The following PLXNA1 variants were observed in gnomAD, a reference collection of about 807,000 sequenced individuals.
The protein encoded by PLXNA1 is plexin A1.
PLXNA1 carries 77 observed loss-of-function variants against 191.7 expected under a neutral mutation model. The observed-to-expected ratio is 0.40, with a 90% CI of 0.33 to 0.49. PLXNA1 has a LOEUF of 0.49. Ranked by LOEUF, PLXNA1 falls within the 20% of genes least tolerant of loss-of-function variation. The pLI, the probability that PLXNA1 is intolerant of heterozygous loss-of-function variation, is 0.63. For synonymous variants in PLXNA1, 1,137 were observed against 1,156.4 expected (o/e 0.98, Z 0.34); for missense variants, 2,110 against 2,660.2 (o/e 0.79, Z 4.55).
At position 126,987,841 on chromosome 3, in the gene PLXNA1, C is replaced by G. The variant is rs553537725; in HGVS notation, c.-73-680C>G. Among the ~76,000 whole-genome samples, 16 of 152,194 alleles carry G rather than the reference C, an allele frequency of 1.1e-4. No individual in the cohort carries two copies. The East Asian group carries it at 2.9e-3, about 28-fold the overall frequency. On this transcript the variant is annotated intron_variant, in intron 1 of 31. Coordinates refer to ENST00000393409, the MANE Select transcript of PLXNA1 (RefSeq NM_032242.4). ...TGCCTGGCTTCTGGACTGCAGGTCT[C>G]AAGGTTTATCCAGCATGGGGCTTGG...
chr3:126,983,393 C>G (rs1576664554), intron 1 of PLXNA1, among the ~76,000 whole-genome samples, 106 bp downstream of exon 1: 1 of 145,268 alleles, frequency 6.9e-6, no homozygotes, highest in Non-Finnish European at 1.5e-5. Context: ...GGGCGGCCTC[C>G]GGCGGCGGCC....
chr3:127,004,768 G>T (rs897849620), intron 5 of PLXNA1, 57 bp downstream of exon 5: 46 of 1,587,492 alleles, frequency 2.9e-5, no homozygotes, highest in South Asian at 1.9e-4. Flanking sequence ...GTCTCACAGT[G>T]GGGGAGGGGG....
Position 127,006,110 on chromosome 3 carries a change from G to C in PLXNA1, c.1929G>C (p.Lys643Asn), listed in dbSNP as rs774174563. ...GDQRVVKLYL[K>N]SKETGKKFAS... The stretch of plus-strand genomic sequence containing the variant: ...AGCGGGTGGTGAAACTCTACCTAAA[G>C]TCCAAGGAGACAGGGAAGAAGTTTG... Residue 643 changes from lysine (K) to asparagine (N), a missense_variant, in exon 8 of 32, where the codon AAG becomes AAC. Around this residue, in one of 4 missense-constraint regions of PLXNA1, gnomAD observed 903 missense variants for 1,015.7 expected, o/e 0.89. Coordinates refer to ENST00000393409, the MANE Select transcript of PLXNA1 (RefSeq NM_032242.4). 4.3e-6 allele frequency: 7 copies of C among 1,613,790 alleles called. No individual in the cohort carries two copies. Among genetic ancestry groups the C allele is most frequent in the African/African-American group, 1.3e-5 (1 of 74,934 alleles).
chr3:127,034,177 C>T lies in PLXNA1; in HGVS notation c.*160C>T, dbSNP rs374899936. On this transcript the variant is annotated 3_prime_UTR_variant, in exon 32 of 32. Coordinates refer to ENST00000393409, the MANE Select transcript of PLXNA1 (RefSeq NM_032242.4). ...TCCCCTGCCTCACCCGGTCGGGTCC[C>T]GGCTCTTCCTGTGTGGAGGTGATGG... is the stretch of plus-strand genomic sequence containing the variant. 6 of 617,034 alleles carry T rather than the reference C, an allele frequency of 9.7e-6. No homozygotes were observed. Among genetic ancestry groups the T allele is most frequent in the Admixed American group, 2.9e-5 (1 of 34,970 alleles). 38.2% of individuals were successfully genotyped at this position (617,034 alleles called of 1,614,324 possible). A position where few individuals can be genotyped will look rare whatever the true frequency, so the allele number is the denominator to read the frequency against.
Position 126,991,535 on chromosome 3 carries a change from T to C in PLXNA1, c.1346T>C (p.Phe449Ser). The C allele has an allele frequency of 6.3e-7, 1 of 1,598,032 alleles. No homozygotes were observed. Among genetic ancestry groups the C allele is most frequent in the Non-Finnish European group, 8.6e-7 (1 of 1,169,546 alleles). The change falls in exon 3 of 32, where the codon TTC (phenylalanine) becomes TCC (serine). Residue 449 changes from phenylalanine to serine, a missense_variant. Phe to Ser is a radical substitution (Grantham distance 155). Around this residue, in one of 4 missense-constraint regions of PLXNA1, gnomAD observed 903 missense variants for 1,015.7 expected, o/e 0.89. Transcript: ENST00000393409. ...AYDYRGRTVVFAGTRSGRIRK... is the reference protein window; with the variant it reads ...AYDYRGRTVVSAGTRSGRIRK... ...GACTATCGGGGCCGCACTGTGGTAT[T>C]CGCCGGCACGCGAAGTGGCCGCATC...
Position 127,037,302 on chromosome 3 carries a change from AC to A in PLXNA1, c.*3286del. On this transcript the variant is annotated 3_prime_UTR_variant, in exon 32 of 32. Coordinates refer to ENST00000393409, the MANE Select transcript of PLXNA1 (RefSeq NM_032242.4). ...GCCCGGCCCTCAGATGTGTACATAT[AC>A]GGCTATTTCCTATTTTACTGTTCTT... The A allele has an allele frequency of 6.5e-6, 1 of 152,774 alleles. No homozygotes were observed. Among genetic ancestry groups the A allele is most frequent in the South Asian group, 2.1e-4 (1 of 4,828 alleles). The allele number at this position is 152,774 out of a possible 1,614,324, so 9.5% of individuals were successfully genotyped here. A position where few individuals can be genotyped will look rare whatever the true frequency, so the allele number is the denominator to read the frequency against.
chr3:126,995,075 G>T (rs984313224), intron 3 of PLXNA1, among the ~76,000 whole-genome samples: 10 of 152,190 alleles, frequency 6.6e-5, no homozygotes, highest in Non-Finnish European at 1.5e-4. Context: ...TGTCTGGGGA[G>T]CTCCAGGGAC....
At chr3:127,014,905 C>T in intron 14 of PLXNA1, 74 bp downstream of exon 14, 1 of 1,552,206 alleles carries the variant, frequency 6.4e-7, no homozygotes, top group South Asian at 1.2e-5. Flanking sequence ...TTCTGTGCCT[C>T]TTCAGGGCCC....
At position 127,029,509 on chromosome 3, in the gene PLXNA1, A is replaced by T. The variant is rs2079195067; in HGVS notation, c.4843A>T (p.Thr1615Ser). 4 of 1,613,730 alleles carry T rather than the reference A, an allele frequency of 2.5e-6. No individual in the cohort carries two copies. Among genetic ancestry groups the T allele is most frequent in the Non-Finnish European group, 3.4e-6 (4 of 1,179,886 alleles). ...CGCCTACAACATCTCCAACTCCTCC[A>T]CCTTCACCAAGTCCCTCAGCAGATA... ...TSAYNISNSS[T>S]FTKSLSRYES... Residue 1615 changes from threonine to serine, a missense_variant, in exon 27 of 32, where the codon ACC becomes TCC. By Grantham distance (58) the Thr-to-Ser change is moderately conservative (BLOSUM62 1). Coordinates refer to ENST00000393409, the MANE Select transcript of PLXNA1 (RefSeq NM_032242.4).
intron 3 of PLXNA1, 140 bp downstream of exon 3, chr3:126,991,706 C>T: frequency 3.1e-6 from 3 of 959,496 alleles, no homozygotes; most frequent in Non-Finnish European, 4.4e-6. Context: ...GGAATGTTGC[C>T]CTACACTAGG....
Position 127,032,668 on chromosome 3 carries a change from C to G in PLXNA1, c.5445-18C>G, listed in dbSNP as rs764269263. On this transcript the variant is annotated intron_variant, in intron 30 of 31. Coordinates refer to ENST00000393409, the MANE Select transcript of PLXNA1 (RefSeq NM_032242.4). The stretch of plus-strand genomic sequence containing the variant: ...GCCTGGACTCTGCTCATGTGCCCAC[C>G]TGGCCACTCACCTGCAGGTACTATG... 1 of 1,612,222 alleles carries G rather than the reference C, an allele frequency of 6.2e-7. No individual in the cohort carries two copies. Among genetic ancestry groups the G allele is most frequent in the Non-Finnish European group, 8.5e-7 (1 of 1,179,360 alleles).
rs2078976029 is a variant in PLXNA1 at position 126,989,090 on chromosome 3, C to T, written c.497C>T (p.Ala166Val). The change falls in exon 2 of 32, where the codon GCA becomes GTA. Residue 166 changes from alanine (A) to valine (V), a missense_variant. Physicochemically the swap from Ala to Val is moderately conservative, Grantham distance 64. Around this residue, in one of 4 missense-constraint regions of PLXNA1, gnomAD observed 903 missense variants for 1,015.7 expected, o/e 0.89. Coordinates refer to ENST00000393409, the MANE Select transcript of PLXNA1 (RefSeq NM_032242.4). ...CACTACCTGTCCAGCGTGCAGGAGG[C>T]AGGCAGCATGGCGGGCGTGCTCATT... The part of the protein sequence containing the change: ...KEHYLSSVQE[A>V]GSMAGVLIAG... 1 of 1,613,386 alleles carries T rather than the reference C, an allele frequency of 6.2e-7. No individual in the cohort carries two copies. The highest frequency in any genetic ancestry group is 1.7e-5 in the Admixed American group (1 of 60,028).
chr3:127,015,101 G>A (rs2079116271), intron 14 of PLXNA1, 83 bp from the exon 15 acceptor site: 18 of 1,533,564 alleles, frequency 1.2e-5, no homozygotes, highest in Non-Finnish European at 1.6e-5. Flanking sequence ...GTCTGTGGGG[G>A]TAAGCAGGCC....
At chr3:127,022,393 T>C in intron 22 of PLXNA1, 52 bp downstream of exon 22, 1 of 1,581,036 alleles carries the variant, frequency 6.3e-7, no homozygotes, top group Non-Finnish European at 8.6e-7. Flanking sequence ...GCCTCCAGCT[T>C]TGGACAGGTT....
In PLXNA1 at chr3:127,012,230, T is replaced by C; in HGVS notation, c.2313+72T>C. ...CGGTTATCCTCACGGCCCTGGGTCC[T>C]GGCGTGTGCTTGTTCATAAAGGGCA... On this transcript the variant is annotated intron_variant, in intron 10 of 31. Transcript: ENST00000393409. 7 of 1,484,846 alleles carry C rather than the reference T, an allele frequency of 4.7e-6. No individual in the cohort carries two copies. The South Asian group carries it at 8.4e-5, about 18-fold the overall frequency. 92.0% of individuals were successfully genotyped at this position (1,484,846 alleles called of 1,614,324 possible). A position where few individuals can be genotyped will look rare whatever the true frequency, so the allele number is the denominator to read the frequency against.
Position 126,989,092 on chromosome 3 carries a change from G to A in PLXNA1, c.499G>A (p.Gly167Ser), listed in dbSNP as rs1250853193. 6.2e-7 allele frequency: 1 copy of A among 1,613,404 alleles called. No homozygotes were observed. The highest frequency in any genetic ancestry group is 1.1e-5 in the South Asian group (1 of 91,088). The change falls in exon 2 of 32, where the codon GGC (glycine) becomes AGC (serine). Residue 167 changes from glycine (G) to serine (S), a missense_variant. Physicochemically the swap from Gly to Ser is moderately conservative, Grantham distance 56. This residue lies in a region of PLXNA1 where 903 missense variants were observed against 1,015.7 expected (regional missense o/e 0.89). Transcript: ENST00000393409. Reference protein sequence around the residue: ...EHYLSSVQEAGSMAGVLIAGP... With the variant: ...EHYLSSVQEASSMAGVLIAGP... ...CTACCTGTCCAGCGTGCAGGAGGCA[G>A]GCAGCATGGCGGGCGTGCTCATTGC...
intron 20 of PLXNA1, 68 bp from the exon 21 acceptor site, chr3:127,020,134 G>T (rs1177496019): frequency 2.5e-6 from 4 of 1,570,212 alleles, no homozygotes; most frequent in African/African-American, 2.7e-5. Flanking sequence ...GGCCCCAAGA[G>T]TGGGAGGGTT....
chr3:126,999,940 G>A (rs1399738566), intron 3 of PLXNA1, among the ~76,000 whole-genome samples: 1 of 152,116 alleles, frequency 6.6e-6, no homozygotes, highest in East Asian at 1.9e-4. Flanking sequence ...CCGTGTGCAT[G>A]TAGGACAGGT....
At position 127,036,280 on chromosome 3, in the gene PLXNA1, TC is replaced by T. The variant is rs2079242476; in HGVS notation, c.*2264del. The T allele has an allele frequency of 1.3e-5, 2 of 152,580 alleles. No homozygotes were observed. Among genetic ancestry groups the T allele is most frequent in the Admixed American group, 1.3e-4 (2 of 15,272 alleles). The allele number at this position is 152,580 out of a possible 1,614,324, so 9.5% of individuals were successfully genotyped here. A position where few individuals can be genotyped will look rare whatever the true frequency, so the allele number is the denominator to read the frequency against. ...TTCAGAATCCAGTTCCAACCCCCAC[TC>T]TCCTTAGGCCTTGTGCTCTGCTCTG... On this transcript the variant is annotated 3_prime_UTR_variant, in exon 32 of 32. Coordinates refer to ENST00000393409, the MANE Select transcript of PLXNA1 (RefSeq NM_032242.4).
Sources: gnomAD v4.1 joint callset for allele counts (sites outside exome capture counted in the v4.1 genomes callset) on GRCh38, gnomAD v4.1.1 for gene constraint, gnomAD v4.1.1 regional missense constraint, MANE v1.5 for transcripts, NCBI Gene and HGNC (gene_info 2026-07-23, HGNC 2026-07-21) for gene names.